FBXO33: variants seen among roughly 807,000 people sequenced by gnomAD.
The protein encoded by FBXO33 is F-box only protein 33.
In FBXO33, 22 loss-of-function variants were observed where a neutral mutation model predicts 46.3. The observed-to-expected ratio is 0.48, with a 90% CI of 0.34 to 0.68. The LOEUF is 0.68. FBXO33 is among the 30% of genes least tolerant of loss of function. The pLI, the probability that FBXO33 is intolerant of heterozygous loss-of-function variation, is 0.01. For synonymous variants in FBXO33, 337 were observed against 291.3 expected (o/e 1.16, Z -1.60); for missense variants, 692 against 708.8 (o/e 0.98, Z 0.27).
intron 1 of FBXO33, among the ~76,000 whole-genome samples, chr14:39,428,296 C>T (rs992651923): frequency 6.6e-6 from 1 of 152,064 alleles, no homozygotes; most frequent in African/African-American, 2.4e-5. Context: ...ACCTCTGCCT[C>T]CTGACTTCAA....
rs1769675443 is a variant in FBXO33 at position 39,413,545 on chromosome 14, T to C, written c.600-11034A>G. On this transcript the variant is annotated intron_variant, in intron 1 of 3. Coordinates refer to ENST00000298097, the MANE Select transcript of FBXO33 (RefSeq NM_203301.4). ...GCATCTAGAATGGGTGAATCGTTTTTATAAGGTTTTCAGTTTACTTTTCCA... is the reference window on the plus strand; with the variant it reads ...GCATCTAGAATGGGTGAATCGTTTTCATAAGGTTTTCAGTTTACTTTTCCA... Among the ~76,000 whole-genome samples, 4 of 152,354 alleles carry C rather than the reference T, an allele frequency of 2.6e-5. No individual in the cohort carries two copies. In the South Asian group the frequency reaches 8.3e-4, roughly 32 times the overall value.
intron 1 of FBXO33, among the ~76,000 whole-genome samples, chr14:39,430,731 G>C (rs989308448): frequency 2.6e-5 from 4 of 152,122 alleles, no homozygotes; most frequent in Non-Finnish European, 4.4e-5. Context: ...TCCATATAAA[G>C]AAGATCTAAA....
intron 1 of FBXO33, among the ~76,000 whole-genome samples, chr14:39,427,908 T>G (rs2075523764): frequency 6.6e-6 from 1 of 152,160 alleles, no homozygotes; most frequent in South Asian, 2.1e-4. Flanking sequence ...TGATCATGAT[T>G]GCTCCATCCT....
At chr14:39,431,529 G>A (rs2075550439) in intron 1 of FBXO33, 35 bp downstream of exon 1, 2 of 1,605,696 alleles carry the variant, frequency 1.2e-6, no homozygotes, top group African/African-American at 1.3e-5. Flanking sequence ...GCGACCCCCC[G>A]TTACCGGGCG....
intron 1 of FBXO33, among the ~76,000 whole-genome samples, chr14:39,426,163 A>G (rs2075512585): frequency 6.6e-6 from 1 of 151,766 alleles, no homozygotes; most frequent in African/African-American, 2.4e-5. Flanking sequence ...ATTTTTTCAT[A>G]TTTATTTTTT....
rs1044736361 is a variant in FBXO33, at chr14:39,431,558, G to A, written c.599+6C>T. 6.2e-7 allele frequency: 1 copy of A among 1,610,910 alleles called. No individual in the cohort carries two copies. The highest frequency in any genetic ancestry group is 2.2e-5 in the East Asian group (1 of 44,878). ...CCGGGCGGGGCGGGGCTCAGGGCAA[G>A]CCTACCTGTTGTTCCGGATGCTGAC... On this transcript the variant is annotated splice_donor_region_variant and intron_variant, in intron 1 of 3. Coordinates refer to ENST00000298097, the MANE Select transcript of FBXO33 (RefSeq NM_203301.4).
chr14:39,413,083 C>T (rs2075431259), intron 1 of FBXO33, among the ~76,000 whole-genome samples: 1 of 152,210 alleles, frequency 6.6e-6, no homozygotes, highest in African/African-American at 2.4e-5. Context: ...TTCTCTGTAG[C>T]ATGCTATGCT....
intron 1 of FBXO33, among the ~76,000 whole-genome samples, chr14:39,421,737 C>T (rs889896833): frequency 6.6e-6 from 1 of 151,528 alleles, no homozygotes; most frequent in Non-Finnish European, 1.5e-5. Flanking sequence ...GTTATGTTTT[C>T]ACATAATAAA....
intron 1 of FBXO33, among the ~76,000 whole-genome samples, chr14:39,427,051 T>C (rs1407751658): frequency 6.6e-6 from 1 of 152,202 alleles, no homozygotes; most frequent in African/African-American, 2.4e-5. Flanking sequence ...AGCTCCTAAA[T>C]AAATTGGTCA....
At chr14:39,401,937 G>A (rs2075370611) in intron 2 of FBXO33, 76 bp from the exon 3 acceptor site, 6 of 1,229,330 alleles carry the variant, frequency 4.9e-6, no homozygotes, top group Non-Finnish European at 6.8e-6. Context: ...TTTGAAAATA[G>A]GCAATGAAAA....
At chr14:39,410,836 T>C (rs2075418789) in intron 1 of FBXO33, among the ~76,000 whole-genome samples, 1 of 152,300 alleles carries the variant, frequency 6.6e-6, no homozygotes, top group Middle Eastern at 3.4e-3. Flanking sequence ...GAGTCTCTTA[T>C]AATCTTATTG....
chr14:39,423,069 C>T (rs1315787076), intron 1 of FBXO33, among the ~76,000 whole-genome samples: 12 of 152,122 alleles, frequency 7.9e-5, no homozygotes. Context: ...TTGCAGTGAG[C>T]TGAGACCATA....
chr14:39,402,988 C>T (rs981259781), intron 1 of FBXO33, among the ~76,000 whole-genome samples: 1 of 152,050 alleles, frequency 6.6e-6, no homozygotes, highest in East Asian at 1.9e-4. Context: ...TTTATAATGA[C>T]CATGGAAAAG....
At chr14:39,420,416 G>A (rs2075476042) in intron 1 of FBXO33, among the ~76,000 whole-genome samples, 4 of 152,266 alleles carry the variant, frequency 2.6e-5, no homozygotes, top group South Asian at 4.1e-4. Context: ...GCGGCTGGGC[G>A]CCGGTGGCTC....
At position 39,413,678 on chromosome 14, in the gene FBXO33, A is replaced by G. The variant is rs146839461; in HGVS notation, c.600-11167T>C. 4.1e-3 allele frequency among the ~76,000 whole-genome samples: 622 copies of G among 152,356 alleles called. 6 individuals are homozygous for G. Among genetic ancestry groups the G allele is most frequent in the African/African-American group, 0.014 (585 of 41,578 alleles). On this transcript the variant is annotated intron_variant, in intron 1 of 3. Transcript: ENST00000298097. The stretch of plus-strand genomic sequence containing the variant: ...ATTAACTCTTGGATCCATGGGCTGC[A>G]GAACAGATGCTGTGTTCGCAAGCAT...
At chr14:39,428,399 CA>C (rs2075526386) in intron 1 of FBXO33, among the ~76,000 whole-genome samples, 1 of 152,024 alleles carries the variant, frequency 6.6e-6, no homozygotes, top group South Asian at 2.1e-4. Context: ...GGGGTTTTGC[CA>C]TATTGACCAG....
intron 1 of FBXO33, among the ~76,000 whole-genome samples, chr14:39,410,926 T>C (rs1319394382): frequency 6.6e-6 from 1 of 152,030 alleles, no homozygotes; most frequent in Admixed American, 6.6e-5. Context: ...TCAATTTTGT[T>C]TACCTTTTCA....
In FBXO33 at chr14:39,432,193, C is replaced by T; in HGVS notation, c.-31G>A. 8.2e-7 allele frequency: 1 copy of T among 1,213,150 alleles called. No individual in the cohort carries two copies. Among genetic ancestry groups the T allele is most frequent in the Non-Finnish European group, 1.0e-6 (1 of 974,198 alleles). 75.1% of individuals were successfully genotyped at this position (1,213,150 alleles called of 1,614,324 possible). A position where few individuals can be genotyped will look rare whatever the true frequency, so the allele number is the denominator to read the frequency against. On this transcript the variant is annotated 5_prime_UTR_variant, in exon 1 of 4. Transcript: ENST00000298097. ...ACTAGGAAGAAGGGGGCGGAACCGT[C>T]GTGGGTCTCGGCGGAACCAAGTAGA...
intron 1 of FBXO33, among the ~76,000 whole-genome samples, chr14:39,413,809 C>A (rs552805395): frequency 6.6e-6 from 1 of 152,174 alleles, no homozygotes; most frequent in East Asian, 1.9e-4. Context: ...TAAGCAGTAG[C>A]TCTCCAAAGT....
Sources: gnomAD v4.1 joint callset for allele counts (sites outside exome capture counted in the v4.1 genomes callset) on GRCh38, gnomAD v4.1.1 for gene constraint, MANE v1.5 for transcripts, NCBI Gene and HGNC (gene_info 2026-07-23, HGNC 2026-07-21) for gene names.